The following TNRC6C variants were observed in gnomAD, a reference collection of about 807,000 sequenced individuals.
The protein encoded by TNRC6C is trinucleotide repeat containing adaptor 6C, also known as trinucleotide repeat-containing gene 6C protein.
TNRC6C carries 20 observed loss-of-function variants against 153.7 expected under a neutral mutation model. That is an observed-to-expected ratio of 0.13 (90% CI 0.09 to 0.19). TNRC6C has a LOEUF of 0.19. Among genes scored for constraint, TNRC6C ranks in the 10% least tolerant of loss-of-function variants. The pLI is 1.00. For synonymous variants in TNRC6C, 811 were observed against 841.4 expected (o/e 0.96, Z 0.63); for missense variants, 1,987 against 2,172.0 (o/e 0.91, Z 1.69).
At chr17:77,976,972 CTTCAT>C (rs1567896914) in intron 1 of TNRC6C, among the ~76,000 whole-genome samples, 1 of 148,724 alleles carries the variant, frequency 6.7e-6, no homozygotes, top group Non-Finnish European at 1.5e-5. Flanking sequence ...TTGGTTTCCC[CTTCAT>C]TTTACAGGTA....
At chr17:78,004,915 T>C (rs2071470177), upstream of TNRC6C, 3 of 609,026 alleles carry the variant, frequency 4.9e-6, no homozygotes, top group South Asian at 2.7e-4. Context: ...ACTAATAAAT[T>C]GTAATAAATT....
At chr17:78,000,627 C>CT (rs1239022721), upstream of TNRC6C, among the ~76,000 whole-genome samples, 2 of 70,222 alleles carry the variant, frequency 2.8e-5, no homozygotes, top group Non-Finnish European at 6.3e-5. Context: ...CGCCCCCCCC[C>CT]CCCCACACAC....
At chr17:78,108,547 G>A (rs950778944) in exon 20 of TNRC6C, 1 of 154,988 alleles carries the variant, frequency 6.5e-6, no homozygotes, top group Admixed American at 6.5e-5. Flanking sequence ...GGTGTGCAAA[G>A]GATGTGGCAG....
chr17:77,992,151 G>A lies in TNRC6C; in HGVS notation c.-37-12019G>A, dbSNP rs1567904428. On this transcript the variant is annotated intron_variant, in intron 1 of 22. Transcript: ENST00000636222. ...TGTCTGCTGCCCTAGTATCTTTGCAGTTGGAACTCGGTATTTATGGAGGAT... is the reference window on the plus strand; with the variant it reads ...TGTCTGCTGCCCTAGTATCTTTGCAATTGGAACTCGGTATTTATGGAGGAT... Among the ~76,000 whole-genome samples, 5 of 152,296 alleles carry A rather than the reference G, an allele frequency of 3.3e-5. 1 individual carries two copies. In the South Asian group the frequency reaches 1.0e-3, roughly 32 times the overall value.
chr17:77,965,398 G>A (rs1331254229), intron 1 of TNRC6C, among the ~76,000 whole-genome samples: 1 of 152,210 alleles, frequency 6.6e-6, no homozygotes, highest in African/African-American at 2.4e-5. Context: ...GTTAGGAGCT[G>A]TGATTATATT....
chr17:78,051,276 CAAT>C (rs1291192004), exon 3 of TNRC6C: 1 of 1,553,066 alleles, frequency 6.4e-7, no homozygotes, highest in Non-Finnish European at 8.7e-7. Flanking sequence ...GCAACTATAA[CAAT>C]AAAACTGTAA....
At chr17:77,984,071 C>T (rs1285087259) in intron 1 of TNRC6C, among the ~76,000 whole-genome samples, 6 of 152,176 alleles carry the variant, frequency 3.9e-5, no homozygotes, top group African/African-American at 1.4e-4. Flanking sequence ...TTTATTGTTG[C>T]TCAGTTCCCA....
At chr17:78,099,790 T>C (rs1305583451) in intron 17 of TNRC6C, among the ~76,000 whole-genome samples, 1 of 152,214 alleles carries the variant, frequency 6.6e-6, no homozygotes, top group Non-Finnish European at 1.5e-5. Context: ...CATTTCAGCA[T>C]TAACTCAGAA....
intron 1 of TNRC6C, among the ~76,000 whole-genome samples, chr17:78,014,021 A>G (rs16970741): frequency 1.4e-4 from 21 of 152,290 alleles, no homozygotes; most frequent in African/African-American, 5.1e-4. Context: ...TAAATGTTGG[A>G]GTAGTTTAAC....
intron 16 of TNRC6C, chr17:78,097,752 C>G: frequency 6.5e-7 from 1 of 1,548,980 alleles, no homozygotes; most frequent in Non-Finnish European, 8.7e-7. Flanking sequence ...CAGGGTCCTC[C>G]CCGCCATCAT....
chr17:78,062,166 T>A (rs1370366105), intron 3 of TNRC6C, among the ~76,000 whole-genome samples: 1 of 152,208 alleles, frequency 6.6e-6, no homozygotes, highest in Non-Finnish European at 1.5e-5. Context: ...TATATTATTG[T>A]CTTTTGTGTA....
intron 1 of TNRC6C, among the ~76,000 whole-genome samples, chr17:77,977,541 C>T (rs1362444336): frequency 2.0e-5 from 3 of 152,146 alleles, no homozygotes; most frequent in African/African-American, 7.2e-5. Context: ...ATTTATTAAG[C>T]CCTAGCTATG....
chr17:78,011,180 T>A (rs185854267), intron 1 of TNRC6C, among the ~76,000 whole-genome samples: 1 of 152,366 alleles, frequency 6.6e-6, no homozygotes, highest in African/African-American at 2.4e-5. Flanking sequence ...TGTGTTTTTT[T>A]AAAAACAACT....
At chr17:77,992,199 C>T (rs12949355) in intron 1 of TNRC6C, among the ~76,000 whole-genome samples, 1 of 152,062 alleles carries the variant, frequency 6.6e-6, no homozygotes, top group Non-Finnish European at 1.5e-5. Flanking sequence ...TAAGTTTTAT[C>T]TTAAGATTAA....
At position 78,053,616 on chromosome 17, in the gene TNRC6C, G is replaced by A. The variant is rs186703645; in HGVS notation, c.2395+2159G>A. Among the ~76,000 whole-genome samples the A allele has an allele frequency of 1.9e-3, 280 of 149,430 alleles. 1 individual carries two copies. Among genetic ancestry groups the A allele is most frequent in the Middle Eastern group, 0.01 (3 of 294 alleles). ...TGCACTCCAGCCTGGGCGACAGAGC[G>A]AAACTCTGTCTCAAAAAAAAAAAAA... On this transcript the variant is annotated intron_variant, in intron 3 of 19. Transcript: ENST00000301624.
At chr17:77,974,961 A>C (rs2070977081) in intron 1 of TNRC6C, among the ~76,000 whole-genome samples, 1 of 152,254 alleles carries the variant, frequency 6.6e-6, no homozygotes, top group Non-Finnish European at 1.5e-5. Context: ...ACAATTTGCA[A>C]AACAAATTTG....
chr17:78,104,724 T>C lies in TNRC6C; in HGVS notation c.4952T>C (p.Val1651Ala). ...AGCAGTGAGCTGCTGTGGGGCGGGG[T>C]GCCCCAGTACTCCAGCAGCCTGTGG... is the stretch of plus-strand genomic sequence containing the variant. Residue 1651 changes from valine to alanine, a missense_variant, in exon 20 of 20, where the codon GTG becomes GCG. Physicochemically the swap from Val to Ala is moderately conservative, Grantham distance 64. Coordinates refer to ENST00000301624, the Ensembl canonical transcript of TNRC6C. This position sits in a 1 kb window ranked among gnomAD's most constrained non-coding sequence, Gnocchi z 6.2. 3 of 1,533,922 alleles carry C rather than the reference T, an allele frequency of 2.0e-6. No individual in the cohort carries two copies. Among genetic ancestry groups the C allele is most frequent in the Non-Finnish European group, 2.6e-6 (3 of 1,143,406 alleles).
rs1056913463 is a variant in TNRC6C, at chr17:78,031,899, C to T, written c.-219+57C>T. 1.5e-5 allele frequency: 18 copies of T among 1,226,380 alleles called. No individual in the cohort carries two copies. The African/African-American group carries it at 2.8e-4, about 19-fold the overall frequency. The allele number at this position is 1,226,380 out of a possible 1,614,324, so 76.0% of individuals were successfully genotyped here. ...GATCTGAAAACTTTGCTATTTTCAA[C>T]TTTGCTGCTGAGCAATAGAAATAGA... On this transcript the variant is annotated intron_variant, in intron 2 of 19. Transcript: ENST00000301624.
At chr17:78,009,283 A>G (rs1282492375) in intron 1 of TNRC6C, among the ~76,000 whole-genome samples, 2 of 152,102 alleles carry the variant, frequency 1.3e-5, no homozygotes, top group South Asian at 4.2e-4. Flanking sequence ...GGCACAGGTA[A>G]TAATAGCTTT....
Sources: gnomAD v4.1 joint callset for allele counts (sites outside exome capture counted in the v4.1 genomes callset) on GRCh38, gnomAD v4.1.1 for gene constraint, Gnocchi (gnomAD v3.1) non-coding constraint, MANE v1.5 for transcripts, NCBI Gene and HGNC (gene_info 2026-07-23, HGNC 2026-07-21) for gene names.